Variants in NCKAP5 observed in about 807,000 individuals in gnomAD.
The protein encoded by NCKAP5 is NCK associated protein 5.
A neutral mutation model predicts 167.0 loss-of-function variants in NCKAP5; 92 were observed. The ratio of observed to expected loss-of-function variants is 0.55; its 90% confidence interval spans 0.47 to 0.66. NCKAP5 has a LOEUF of 0.66. Among genes scored for constraint, NCKAP5 ranks in the 30% least tolerant of loss-of-function variants. The pLI is 0.00. For missense variants in NCKAP5, 2,378 were observed against 2,315.0 expected (o/e 1.03, Z -0.56); for synonymous variants, 891 against 877.4 (o/e 1.02, Z -0.27).
chr2:133,129,848 G>A (rs1031523731), intron 6 of NCKAP5, 130 bp downstream of exon 6: 1 of 1,083,676 alleles, frequency 9.2e-7, no homozygotes, highest in Non-Finnish European at 1.3e-6. Context: ...CAGAACAGAA[G>A]GTCTAAATGG....
chr2:132,829,869 A>G (rs1056121300), intron 11 of NCKAP5, among the ~76,000 whole-genome samples: 10 of 152,172 alleles, frequency 6.6e-5, no homozygotes, highest in African/African-American at 2.4e-4. Context: ...TATGACTTCA[A>G]TAGGATACAT....
the NCKAP5 span, among the ~76,000 whole-genome samples, chr2:133,641,254 T>C: frequency 6.6e-6 from 1 of 152,236 alleles, no homozygotes; most frequent in Non-Finnish European, 1.5e-5. Context: ...TTACTTCCAC[T>C]GTCTTATGGA....
At chr2:133,021,234 A>C (rs370784231) in intron 6 of NCKAP5, among the ~76,000 whole-genome samples, 13 of 152,336 alleles carry the variant, frequency 8.5e-5, no homozygotes, top group South Asian at 8.3e-4. Flanking sequence ...ATTGGAAAGA[A>C]GCATAGACAT....
At chr2:133,045,074 G>A (rs1360877081) in intron 6 of NCKAP5, among the ~76,000 whole-genome samples, 4 of 146,592 alleles carry the variant, frequency 2.7e-5, no homozygotes, top group Non-Finnish European at 3.0e-5. Context: ...AAAAAAGAAA[G>A]AAAAGAAAAA....
intron 6 of NCKAP5, among the ~76,000 whole-genome samples, chr2:133,029,578 C>T (rs1573797182): frequency 6.6e-6 from 1 of 152,168 alleles, no homozygotes. Context: ...GTAGACATGA[C>T]ATCTAGGGTG....
At chr2:132,750,981 A>C (rs1223865408) in intron 16 of NCKAP5, among the ~76,000 whole-genome samples, 2 of 152,238 alleles carry the variant, frequency 1.3e-5, no homozygotes, top group African/African-American at 4.8e-5. Context: ...TGACAGCTAC[A>C]TCTGCTTAAA....
chr2:133,029,961 G>C (rs1268226078), intron 6 of NCKAP5, among the ~76,000 whole-genome samples: 1 of 152,132 alleles, frequency 6.6e-6, no homozygotes, highest in Non-Finnish European at 1.5e-5. Context: ...TCAGGCCCTG[G>C]TAAGATTGGC....
intron 3 of NCKAP5, among the ~76,000 whole-genome samples, chr2:133,412,941 C>T (rs1405359656): frequency 1.3e-5 from 2 of 152,296 alleles, no homozygotes; most frequent in Admixed American, 1.3e-4. Context: ...CAATGGTTTA[C>T]CTTCTGCAGG....
intron 5 of NCKAP5, among the ~76,000 whole-genome samples, chr2:133,182,319 A>G (rs2084773337): frequency 6.6e-6 from 1 of 152,186 alleles, no homozygotes; most frequent in Admixed American, 6.5e-5. Context: ...TACACTAAAG[A>G]AATTCAATGC....
intron 16 of NCKAP5, among the ~76,000 whole-genome samples, chr2:132,767,155 T>A (rs1681571645): frequency 6.6e-6 from 1 of 152,234 alleles, no homozygotes; most frequent in South Asian, 2.1e-4. Flanking sequence ...GTAGGCTTGA[T>A]CCTGTCTTTT....
At chr2:133,082,632 C>G (rs1174755343) in intron 6 of NCKAP5, among the ~76,000 whole-genome samples, 2 of 152,116 alleles carry the variant, frequency 1.3e-5, no homozygotes, top group South Asian at 2.1e-4. Context: ...CCTGGAGGAA[C>G]AGTGGACAGA....
intron 3 of NCKAP5, among the ~76,000 whole-genome samples, chr2:133,415,759 T>C (rs1190825721): frequency 1.3e-5 from 2 of 152,210 alleles, no homozygotes; most frequent in African/African-American, 2.4e-5. Context: ...CAACCACACA[T>C]CCCCTATCTG....
chr2:132,971,590 A>G (rs1175799673), intron 7 of NCKAP5, among the ~76,000 whole-genome samples: 2 of 152,208 alleles, frequency 1.3e-5, no homozygotes, highest in African/African-American at 4.8e-5. Flanking sequence ...TCAGAAAAAC[A>G]AGATGCTGCT....
chr2:132,845,744 C>T (rs529431012), intron 11 of NCKAP5, among the ~76,000 whole-genome samples: 59 of 152,244 alleles, frequency 3.9e-4, no homozygotes, highest in African/African-American at 1.1e-3. Context: ...TTATTTTCAA[C>T]GCTTACTTGG....
At chr2:133,232,193 A>C (rs1260105535) in intron 4 of NCKAP5, among the ~76,000 whole-genome samples, 1 of 152,186 alleles carries the variant, frequency 6.6e-6, no homozygotes, top group Non-Finnish European at 1.5e-5. Context: ...AGAGCCAAGC[A>C]TGGCAGTGAG....
intron 6 of NCKAP5, among the ~76,000 whole-genome samples, chr2:133,047,335 C>G (rs953383544): frequency 5.3e-5 from 8 of 152,212 alleles, no homozygotes; most frequent in Non-Finnish European, 1.0e-4. Context: ...CCTGCTCATG[C>G]CCAAACCACT....
intron 15 of NCKAP5, 76 bp downstream of exon 15, chr2:132,780,976 T>C: frequency 1.4e-6 from 2 of 1,434,656 alleles, no homozygotes; most frequent in Non-Finnish European, 1.9e-6. Context: ...TACATTTTCA[T>C]TAGCAAACGG....
chr2:132,839,829 T>C (rs1168487241), intron 11 of NCKAP5, among the ~76,000 whole-genome samples: 4 of 142,746 alleles, frequency 2.8e-5, no homozygotes, highest in African/African-American at 1.0e-4. Context: ...GCCTTATCAA[T>C]AACATAAAGA....
chr2:133,589,497 G>A, the NCKAP5 span, among the ~76,000 whole-genome samples: 6 of 152,240 alleles, frequency 3.9e-5, no homozygotes, highest in Middle Eastern at 3.4e-3. Context: ...TGGATGCACC[G>A]TCCTGGGACT....
Sources: allele counts gnomAD v4.1 joint callset (sites outside exome capture counted in the v4.1 genomes callset), GRCh38; gene constraint gnomAD v4.1.1; transcripts MANE v1.5; gene names NCBI Gene and HGNC (gene_info 2026-07-23, HGNC 2026-07-21).